Variants in MACROD2 observed in about 807,000 individuals in gnomAD.
MACROD2 encodes the protein mono-ADP ribosylhydrolase 2, also known as ADP-ribose glycohydrolase MACROD2.
In MACROD2, 36 loss-of-function variants were observed where a neutral mutation model predicts 70.4. The ratio of observed to expected loss-of-function variants is 0.51; its 90% CI spans 0.39 to 0.68. The LOEUF is 0.68. MACROD2 is among the 30% of genes least tolerant of loss of function. The pLI is 0.00. For synonymous variants in MACROD2, 172 were observed against 178.8 expected (o/e 0.96, Z 0.30); for missense variants, 496 against 538.4 (o/e 0.92, Z 0.78).
At chr20:15,402,499 T>A (rs898970545) in intron 6 of MACROD2, among the ~76,000 whole-genome samples, 13 of 152,240 alleles carry the variant, frequency 8.5e-5, no homozygotes, top group African/African-American at 3.1e-4. Context: ...AGGGGATTCA[T>A]AGGGATGGCT....
intron 5 of MACROD2, among the ~76,000 whole-genome samples, chr20:15,009,799 A>T (rs1363747727): frequency 4.1e-5 from 6 of 146,932 alleles, no homozygotes; most frequent in Non-Finnish European, 3.0e-5. Context: ...TTTACCACTG[A>T]ATACATTGTT....
At chr20:15,441,852 G>A (rs1242290641) in intron 7 of MACROD2, among the ~76,000 whole-genome samples, 2 of 152,066 alleles carry the variant, frequency 1.3e-5, no homozygotes, top group Non-Finnish European at 2.9e-5. Flanking sequence ...CATTGAAACA[G>A]TAAGCCTTTT....
At chr20:15,786,569 ACTC>A (rs1231593423) in intron 8 of MACROD2, among the ~76,000 whole-genome samples, 1 of 152,146 alleles carries the variant, frequency 6.6e-6, no homozygotes, top group East Asian at 1.9e-4. Flanking sequence ...ATAAGATAAT[ACTC>A]CTCCTTTTTC....
intron 3 of MACROD2, among the ~76,000 whole-genome samples, chr20:14,393,711 T>C (rs78769491): frequency 0.034 from 5,176 of 152,288 alleles, 139 homozygotes; most frequent in Non-Finnish European, 0.047. Flanking sequence ...AGTCTCATTA[T>C]TGCTTGCCAT....
intron 8 of MACROD2, among the ~76,000 whole-genome samples, chr20:15,535,321 G>GT (rs11480342): frequency 0.31 from 47,248 of 151,910 alleles, 8,158 homozygotes; most frequent in East Asian, 0.55. Flanking sequence ...CAGGGACAAT[G>GT]AAAGCCTTTT....
intron 4 of MACROD2, among the ~76,000 whole-genome samples, chr20:14,536,665 A>G (rs867387554): frequency 0.014 from 1,597 of 114,460 alleles, 34 homozygotes; most frequent in African/African-American, 0.045. Context: ...GTGTGTGTGC[A>G]TGCATGTGTG....
intron 5 of MACROD2, among the ~76,000 whole-genome samples, chr20:14,826,713 C>A (rs1029994513): frequency 6.6e-6 from 1 of 152,042 alleles, no homozygotes; most frequent in Non-Finnish European, 1.5e-5. Flanking sequence ...CATAATAAGC[C>A]GAGCATCCTG....
At chr20:15,591,942 G>A (rs1275939940) in intron 8 of MACROD2, among the ~76,000 whole-genome samples, 2 of 152,180 alleles carry the variant, frequency 1.3e-5, no homozygotes, top group Non-Finnish European at 2.9e-5. Flanking sequence ...AACACTTAGT[G>A]AACATTTGAA....
At position 14,762,239 on chromosome 20, in the gene MACROD2, C is replaced by T. The variant is rs543131449; in HGVS notation, c.418+77280C>T. 2.4e-3 allele frequency among the ~76,000 whole-genome samples: 360 copies of T among 152,182 alleles called. 3 individuals are homozygous for T. Among genetic ancestry groups the T allele is most frequent in the African/African-American group, 8.2e-3 (341 of 41,496 alleles). On this transcript the variant is annotated intron_variant, in intron 5 of 17. Coordinates refer to ENST00000684519, the MANE Select transcript of MACROD2 (RefSeq NM_001351661.2). ...TTTCAGCACAACCCTCCACTTATTC[C>T]GTCATGTAGCATATTAGGGATTCCC...
intron 3 of MACROD2, among the ~76,000 whole-genome samples, chr20:14,166,251 C>A (rs2224736): frequency 0.96 from 146,571 of 152,260 alleles, 70,582 homozygotes; most frequent in Middle Eastern, 0.99. Flanking sequence ...AAATATTTTC[C>A]TGATAATATG....
At chr20:14,107,486 A>G (rs969671920) in intron 3 of MACROD2, among the ~76,000 whole-genome samples, 57 of 152,192 alleles carry the variant, frequency 3.7e-4, no homozygotes, top group African/African-American at 1.3e-3. Flanking sequence ...AAGTGTATTC[A>G]AAGGAACAAT....
intron 2 of MACROD2, among the ~76,000 whole-genome samples, chr20:14,063,421 C>T (rs1158522653): frequency 1.3e-5 from 2 of 152,174 alleles, no homozygotes; most frequent in African/African-American, 4.8e-5. Context: ...TAGGCACATC[C>T]ATATGCTGGC....
At chr20:15,160,036 T>C (rs936793441) in intron 5 of MACROD2, among the ~76,000 whole-genome samples, 2 of 151,920 alleles carry the variant, frequency 1.3e-5, no homozygotes, top group African/African-American at 2.4e-5. Flanking sequence ...CAGGTGCAGG[T>C]AAGAGTTATG....
intron 5 of MACROD2, among the ~76,000 whole-genome samples, chr20:15,229,679 A>C (rs1425398858): frequency 6.6e-6 from 1 of 152,176 alleles, no homozygotes; most frequent in African/African-American, 2.4e-5. Context: ...GTGTCACTTG[A>C]ATCTGACCAA....
At chr20:15,554,004 G>T (rs1247001171) in intron 8 of MACROD2, among the ~76,000 whole-genome samples, 1 of 152,116 alleles carries the variant, frequency 6.6e-6, no homozygotes, top group Non-Finnish European at 1.5e-5. Context: ...AGGAAGAATG[G>T]ATCAAAGCCA....
chr20:15,633,839 C>T (rs1157060418), intron 8 of MACROD2, among the ~76,000 whole-genome samples: 1 of 152,122 alleles, frequency 6.6e-6, no homozygotes, highest in African/African-American at 2.4e-5. Context: ...GGAGTGTTCA[C>T]TCTGTAAATG....
intron 3 of MACROD2, among the ~76,000 whole-genome samples, chr20:14,154,020 T>C (rs1377542978): frequency 6.6e-6 from 1 of 152,250 alleles, no homozygotes; most frequent in Non-Finnish European, 1.5e-5. Context: ...ATATTTTAAA[T>C]GCACAAGTAC....
At chr20:15,748,113 T>A (rs2051212059) in intron 8 of MACROD2, among the ~76,000 whole-genome samples, 1 of 152,188 alleles carries the variant, frequency 6.6e-6, no homozygotes, top group Admixed American at 6.6e-5. Flanking sequence ...GCCATGTTAT[T>A]TCCTTTCTTA....
At chr20:14,632,451 G>A (rs1232491112) in intron 4 of MACROD2, among the ~76,000 whole-genome samples, 1 of 152,102 alleles carries the variant, frequency 6.6e-6, no homozygotes, top group Non-Finnish European at 1.5e-5. Context: ...AATTCATGCA[G>A]CAAACATAAT....
Sources: gnomAD v4.1 joint callset for allele counts (sites outside exome capture counted in the v4.1 genomes callset) on GRCh38, gnomAD v4.1.1 for gene constraint, MANE v1.5 for transcripts, NCBI Gene and HGNC (gene_info 2026-07-23, HGNC 2026-07-21) for gene names.